The following SH3PXD2A variants were observed in gnomAD, a reference collection of about 807,000 sequenced individuals.
The protein encoded by SH3PXD2A is SH3 and PX domains 2A.
In SH3PXD2A, 32 loss-of-function variants were observed where a neutral mutation model predicts 115.2. That is an observed-to-expected ratio of 0.28 (90% CI 0.21 to 0.37). SH3PXD2A has a LOEUF of 0.37. Among genes scored for constraint, SH3PXD2A ranks in the 10% least tolerant of loss-of-function variants. SH3PXD2A has a pLI of 1.00. For missense variants in SH3PXD2A, 1,328 were observed against 1,498.7 expected, an observed-to-expected ratio of 0.89 and a Z score of 1.88; for synonymous variants, 610 against 629.1, an observed-to-expected ratio of 0.97 and a Z score of 0.45.
chr10:103,767,352 GCT>G (rs1162389475), intron 2 of SH3PXD2A, among the ~76,000 whole-genome samples, 183 bp from the exon 3 acceptor site: 1 of 152,178 alleles, frequency 6.6e-6, no homozygotes, highest in African/African-American at 2.4e-5. Flanking sequence ...GGAGGCCAAA[GCT>G]CTCTCTGCAT....
At chr10:103,736,761 G>A in intron 3 of SH3PXD2A, 1 of 1,289,146 alleles carries the variant, frequency 7.8e-7, no homozygotes, top group Non-Finnish European at 1.0e-6. Flanking sequence ...CATGAGCTTG[G>A]CACATGATGA....
chr10:103,803,673 A>C (rs1488601404), intron 1 of SH3PXD2A, among the ~76,000 whole-genome samples: 1 of 152,222 alleles, frequency 6.6e-6, no homozygotes, highest in Non-Finnish European at 1.5e-5. Context: ...CTCCCTGTAC[A>C]TAAATTTATC....
chr10:103,664,613 G>A (rs10748847), intron 7 of SH3PXD2A, among the ~76,000 whole-genome samples: 91,188 of 151,636 alleles, frequency 0.6, 27,574 homozygotes, highest in African/African-American at 0.63. Flanking sequence ...TACATCCCAG[G>A]TACCTGGGAC....
At chr10:103,630,041 TG>T (rs1267446439) in intron 8 of SH3PXD2A, among the ~76,000 whole-genome samples, 3 of 152,354 alleles carry the variant, frequency 2.0e-5, no homozygotes, top group Admixed American at 6.5e-5. Context: ...TGAAGGTGGC[TG>T]GGGGTCACCC....
At position 103,598,973 on chromosome 10, in the gene SH3PXD2A, G is replaced by A. The variant is rs144862355; in HGVS notation, c.*2843C>T. The stretch of plus-strand genomic sequence containing the variant: ...CCAAATCTACATGCTGTCACCAGAT[G>A]GCAGCATTCCCCACTTTTCCTGGAT... On this transcript the variant is annotated 3_prime_UTR_variant, in exon 15 of 15. Coordinates refer to ENST00000369774, the MANE Select transcript of SH3PXD2A (RefSeq NM_001394015.1). The A allele has an allele frequency of 3.1e-4, 47 of 152,730 alleles. No homozygotes were observed. Among genetic ancestry groups the A allele is most frequent in the African/African-American group, 1.1e-3 (47 of 41,556 alleles). The allele number at this position is 152,730 out of a possible 1,614,324, so 9.5% of individuals were successfully genotyped here. A position where few individuals can be genotyped will look rare whatever the true frequency, so the allele number is the denominator to read the frequency against.
At chr10:103,837,863 G>A (rs1347373176) in intron 1 of SH3PXD2A, among the ~76,000 whole-genome samples, 1 of 152,176 alleles carries the variant, frequency 6.6e-6, no homozygotes, top group African/African-American at 2.4e-5. Flanking sequence ...ACTCAGGGCT[G>A]CTCTCGAGAG....
intron 8 of SH3PXD2A, among the ~76,000 whole-genome samples, chr10:103,642,803 GATGCGTACATGTACGAGTTTGT>G (rs1435292786): frequency 2.0e-5 from 3 of 152,184 alleles, no homozygotes; most frequent in African/African-American, 4.8e-5. Context: ...CAGTGCCTAA[GATGCGTACATGTACGAGTTTGT>G]ATATTTTTCC....
At chr10:103,634,544 G>T (rs912838896) in intron 8 of SH3PXD2A, among the ~76,000 whole-genome samples, 6 of 152,212 alleles carry the variant, frequency 3.9e-5, no homozygotes, top group African/African-American at 1.2e-4. Context: ...GCCACTGTCA[G>T]CGGATAAGGT....
chr10:103,623,274 C>A (rs577550201), intron 9 of SH3PXD2A, among the ~76,000 whole-genome samples: 2 of 150,814 alleles, frequency 1.3e-5, no homozygotes, highest in East Asian at 3.9e-4. Context: ...CAGGGGCCCC[C>A]TCCCCAGCTT....
intron 8 of SH3PXD2A, among the ~76,000 whole-genome samples, chr10:103,648,032 C>T (rs7914478): frequency 0.24 from 36,862 of 152,038 alleles, 5,005 homozygotes; most frequent in Non-Finnish European, 0.3. Context: ...TCTTTGCTAT[C>T]CCTGCCCGAC....
At chr10:103,748,561 T>C (rs1335177206) in intron 3 of SH3PXD2A, among the ~76,000 whole-genome samples, 2 of 152,202 alleles carry the variant, frequency 1.3e-5, no homozygotes, top group African/African-American at 2.4e-5. Context: ...GTATGGGCAC[T>C]GCGCTGTGAT....
At chr10:103,646,334 TC>T (rs1301720255) in intron 8 of SH3PXD2A, among the ~76,000 whole-genome samples, 6 of 151,996 alleles carry the variant, frequency 3.9e-5, no homozygotes, top group African/African-American at 7.3e-5. Flanking sequence ...CTAGTACGGA[TC>T]CCACCCCAAT....
intron 2 of SH3PXD2A, among the ~76,000 whole-genome samples, chr10:103,790,248 G>A (rs1321942585): frequency 2.6e-5 from 4 of 151,450 alleles, no homozygotes; most frequent in African/African-American, 7.3e-5. Context: ...TCCGCCTCCC[G>A]GGTTCAAGCC....
rs41287516 is a variant in SH3PXD2A, at chr10:103,613,166, C to T, written c.945G>A (p.Ala315=). The change falls in exon 12 of 15, where the codon GCG becomes GCA. Residue 315 remains alanine (A), a synonymous_variant. Coordinates refer to ENST00000369774, the MANE Select transcript of SH3PXD2A (RefSeq NM_001394015.1). The stretch of plus-strand genomic sequence containing the variant: ...TGGCCTTCTTCAGGTAGGATGCTGG[C>T]GCCCAGCCCTCTTTGCCCAGGTATC... ...YIRYLGKEGW[A]PASYLKKAKD... 15,344 of 1,605,062 alleles carry T rather than the reference C, an allele frequency of 9.6e-3. 76 individuals are homozygous for T. The highest frequency in any genetic ancestry group is 0.011 in the Non-Finnish European group (13,241 of 1,176,438).
At chr10:103,767,864 T>C (rs994334777) in intron 2 of SH3PXD2A, among the ~76,000 whole-genome samples, 2 of 145,134 alleles carry the variant, frequency 1.4e-5, no homozygotes, top group African/African-American at 5.1e-5. Context: ...CTATGTAAAC[T>C]GGAAAAACAC....
chr10:103,716,837 G>T (rs548699706), intron 5 of SH3PXD2A, among the ~76,000 whole-genome samples: 1 of 152,368 alleles, frequency 6.6e-6, no homozygotes, highest in African/African-American at 2.4e-5. Context: ...TGCAACCTCA[G>T]CCCTGAGGCT....
chr10:103,693,208 C>G (rs2037781265), intron 5 of SH3PXD2A, 152 bp from the exon 6 acceptor site: 1 of 241,436 alleles, frequency 4.1e-6, no homozygotes. Flanking sequence ...GCTCCGCAGC[C>G]GCACGCACTG....
At chr10:103,776,662 C>T (rs983852013) in intron 2 of SH3PXD2A, among the ~76,000 whole-genome samples, 1 of 152,050 alleles carries the variant, frequency 6.6e-6, no homozygotes, top group Non-Finnish European at 1.5e-5. Context: ...GGATGTAAGT[C>T]ATCTATGGCA....
chr10:103,659,852 C>T (rs560968549), intron 8 of SH3PXD2A, among the ~76,000 whole-genome samples: 1 of 152,240 alleles, frequency 6.6e-6, no homozygotes, highest in African/African-American at 2.4e-5. Flanking sequence ...CCCAGGAGGC[C>T]CACTGGGATT....
Sources: allele counts gnomAD v4.1 joint callset (sites outside exome capture counted in the v4.1 genomes callset), GRCh38; gene constraint gnomAD v4.1.1; transcripts MANE v1.5; gene names NCBI Gene and HGNC (gene_info 2026-07-23, HGNC 2026-07-21).